The following CATSPERE variants were observed in gnomAD, a reference collection of about 807,000 sequenced individuals.
CATSPERE encodes cation channel sperm-associated auxiliary subunit epsilon.
A neutral mutation model predicts 114.1 loss-of-function variants in CATSPERE; 93 were observed. The ratio of observed to expected loss-of-function variants is 0.81; its 90% CI spans 0.69 to 0.97. The LOEUF (loss-of-function observed/expected upper bound fraction) is 0.97. Among genes scored for constraint, CATSPERE ranks in the 50% least tolerant of loss-of-function variants. CATSPERE has a pLI of 0.00. For synonymous variants in CATSPERE, 341 were observed against 384.1 expected (o/e 0.89, Z 1.31); for missense variants, 1,058 against 1,131.6 (o/e 0.93, Z 0.93).
chr1:244,493,253 T>G (rs952761280), intron 6 of CATSPERE, among the ~76,000 whole-genome samples: 2 of 152,074 alleles, frequency 1.3e-5, no homozygotes, highest in Non-Finnish European at 2.9e-5. Flanking sequence ...AAAACAGAGA[T>G]ATAGATCAAT....
chr1:244,563,685 A>C (rs1662946644), intron 10 of CATSPERE, among the ~76,000 whole-genome samples: 1 of 152,144 alleles, frequency 6.6e-6, no homozygotes, highest in Non-Finnish European at 1.5e-5. Context: ...AGACTGCAAA[A>C]ATTTTCTCCC....
chr1:244,505,923 T>C (rs1203220232), intron 7 of CATSPERE, among the ~76,000 whole-genome samples: 1 of 152,032 alleles, frequency 6.6e-6, no homozygotes, highest in Non-Finnish European at 1.5e-5. Context: ...GGAGAATCAC[T>C]TGAACCCGGG....
chr1:244,518,732 T>C (rs1199339364), intron 8 of CATSPERE, 34 bp downstream of exon 8: 1 of 1,130,052 alleles, frequency 8.8e-7, no homozygotes, highest in South Asian at 1.5e-5. Flanking sequence ...AATATAGAAA[T>C]ATGAAAACTT....
intron 7 of CATSPERE, among the ~76,000 whole-genome samples, chr1:244,509,161 G>C (rs775070733): frequency 2.0e-5 from 3 of 151,950 alleles, no homozygotes; most frequent in Non-Finnish European, 4.4e-5. Context: ...GTTCTTAGAG[G>C]GAGAAGCTTT....
At chr1:244,543,662 A>G (rs1659249173) in intron 8 of CATSPERE, among the ~76,000 whole-genome samples, 1 of 148,072 alleles carries the variant, frequency 6.8e-6, no homozygotes, top group Non-Finnish European at 1.5e-5. Flanking sequence ...TTATATATAT[A>G]CAAAATAAAA....
intron 11 of CATSPERE, among the ~76,000 whole-genome samples, chr1:244,580,615 A>G (rs1219511500): frequency 6.6e-6 from 1 of 152,154 alleles, no homozygotes; most frequent in Non-Finnish European, 1.5e-5. Context: ...AAAATATAAC[A>G]TCAGAAGTAC....
chr1:244,469,570 G>T (rs1414088907), intron 2 of CATSPERE, among the ~76,000 whole-genome samples: 1 of 152,126 alleles, frequency 6.6e-6, no homozygotes, highest in Non-Finnish European at 1.5e-5. Flanking sequence ...CATCCACTTT[G>T]GAAAGGGGAA....
At chr1:244,554,196 C>T (rs998879715) in intron 9 of CATSPERE, among the ~76,000 whole-genome samples, 4 of 152,126 alleles carry the variant, frequency 2.6e-5, no homozygotes, top group African/African-American at 4.8e-5. Context: ...GATAAATACC[C>T]GGTAGTGGGA....
intron 11 of CATSPERE, among the ~76,000 whole-genome samples, chr1:244,580,951 A>G (rs1666082923): frequency 6.6e-6 from 1 of 152,134 alleles, no homozygotes; most frequent in African/African-American, 2.4e-5. Context: ...TAGTGAGCCA[A>G]GATTGCGCCA....
In CATSPERE at chr1:244,546,357, C is replaced by A. The variant is rs192454994; in HGVS notation, c.537-5965C>A. On this transcript the variant is annotated intron_variant, in intron 8 of 21. Transcript: ENST00000366534. ...CTTACTGTTGAATTGTTTTCCCAGA[C>A]AAAACTATACTGTGAAGATTGGAAT... 4.7e-4 allele frequency among the ~76,000 whole-genome samples: 71 copies of A among 152,248 alleles called. 1 individual carries two copies. In the East Asian group the frequency reaches 9.8e-3, roughly 21 times the overall value.
chr1:244,465,674 T>C (rs986491578), intron 2 of CATSPERE, among the ~76,000 whole-genome samples: 1 of 152,220 alleles, frequency 6.6e-6, no homozygotes, highest in Admixed American at 6.5e-5. Context: ...TGTGAACATC[T>C]AGTTTGTTCT....
intron 20 of CATSPERE, among the ~76,000 whole-genome samples, chr1:244,620,684 C>T (rs1263467603): frequency 2.6e-5 from 4 of 151,928 alleles, no homozygotes; most frequent in Admixed American, 1.3e-4. Flanking sequence ...CTGTACAGTA[C>T]GTTTAACACA....
rs569692629 is a variant in CATSPERE at position 244,601,679 on chromosome 1, C to T, written c.2304-4016C>T. Among the ~76,000 whole-genome samples the T allele has an allele frequency of 4.6e-4, 70 of 152,182 alleles. 1 individual carries two copies. Among genetic ancestry groups the T allele is most frequent in the Middle Eastern group, 3.4e-3 (1 of 294 alleles). Reference sequence around the variant, plus strand: ...GTGTGAGAAAGCAGGGAGGGCCGGGCGCGGTGGCTCCACCTGTAATCCCAG... The same window carrying T: ...GTGTGAGAAAGCAGGGAGGGCCGGGTGCGGTGGCTCCACCTGTAATCCCAG... On this transcript the variant is annotated intron_variant, in intron 17 of 21. Coordinates refer to ENST00000366534, the MANE Select transcript of CATSPERE (RefSeq NM_001130957.2).
intron 8 of CATSPERE, among the ~76,000 whole-genome samples, chr1:244,532,092 A>G (rs1338711850): frequency 1.3e-5 from 2 of 152,148 alleles, no homozygotes; most frequent in African/African-American, 4.8e-5. Context: ...CATTTCTTCT[A>G]GGATTTCCAA....
intron 8 of CATSPERE, among the ~76,000 whole-genome samples, chr1:244,552,037 C>G (rs2148496985): frequency 8.9e-6 from 1 of 112,488 alleles, no homozygotes; most frequent in East Asian, 3.1e-4. Context: ...GCACTCCAGC[C>G]TGGGCGACAG....
At chr1:244,473,571 TAACA>T (rs1040017817) in intron 2 of CATSPERE, among the ~76,000 whole-genome samples, 3 of 152,288 alleles carry the variant, frequency 2.0e-5, no homozygotes, top group Admixed American at 1.3e-4. Context: ...TTCATTCTCT[TAACA>T]GTGTCTTTTA....
At chr1:244,604,024 G>C (rs10927277) in intron 17 of CATSPERE, among the ~76,000 whole-genome samples, 48,633 of 152,156 alleles carry the variant, frequency 0.32, 9,726 homozygotes, top group Middle Eastern at 0.45. Context: ...TAATTCAATA[G>C]TCTGATGACT....
intron 7 of CATSPERE, among the ~76,000 whole-genome samples, chr1:244,516,225 G>A (rs1041010215): frequency 7.9e-5 from 12 of 151,252 alleles, no homozygotes; most frequent in African/African-American, 2.7e-4. Flanking sequence ...TAATAACAAT[G>A]CAAACATTAG....
intron 8 of CATSPERE, among the ~76,000 whole-genome samples, chr1:244,537,356 A>C (rs1324667039): frequency 2.0e-5 from 3 of 152,234 alleles, no homozygotes; most frequent in African/African-American, 7.2e-5. Context: ...CCAGCCGTGC[A>C]TACCTGGAGT....
Sources: allele counts gnomAD v4.1 joint callset (sites outside exome capture counted in the v4.1 genomes callset), GRCh38; gene constraint gnomAD v4.1.1; transcripts MANE v1.5; gene names NCBI Gene and HGNC (gene_info 2026-07-23, HGNC 2026-07-21).